HS3ST2: variants seen among roughly 807,000 people sequenced by gnomAD.
HS3ST2 encodes heparan sulfate-glucosamine 3-sulfotransferase 2.
HS3ST2 carries 17 observed loss-of-function variants against 26.3 expected under a neutral mutation model. That is an observed-to-expected ratio of 0.65 (90% confidence interval 0.44 to 0.97). The LOEUF (loss-of-function observed/expected upper bound fraction) is 0.97. Ranked by LOEUF, HS3ST2 falls within the 50% of genes least tolerant of loss-of-function variation. The pLI, the probability that HS3ST2 is intolerant of heterozygous loss-of-function variation, is 0.00. For synonymous variants in HS3ST2, 237 were observed against 219.2 expected (o/e 1.08, Z -0.72); for missense variants, 402 against 501.2 (o/e 0.80, Z 1.89).
At chr16:22,858,385 A>T in intron 1 of HS3ST2, among the ~76,000 whole-genome samples, 1 of 151,498 alleles carries the variant, frequency 6.6e-6, no homozygotes, top group Admixed American at 6.6e-5. Context: ...ATCAAAAAAG[A>T]TGTACAAGCA....
Position 22,839,507 on chromosome 16 carries a change from C to T in HS3ST2, c.485+24412C>T, listed in dbSNP as rs948808479. On this transcript the variant is annotated intron_variant, in intron 1 of 1. Coordinates refer to ENST00000261374, the MANE Select transcript of HS3ST2 (RefSeq NM_006043.2). ...CAGCATTTCACAACGTTTTTTTCTT[C>T]TTGACTCAAAAGCTGCTGCACAGGT... Among the ~76,000 whole-genome samples, 70 of 152,102 alleles carry T rather than the reference C, an allele frequency of 4.6e-4. 1 individual carries two copies. Among genetic ancestry groups the T allele is most frequent in the Admixed American group, 4.5e-3 (69 of 15,266 alleles).
intron 1 of HS3ST2, among the ~76,000 whole-genome samples, chr16:22,902,479 G>A (rs1254091987): frequency 2.6e-5 from 4 of 152,218 alleles, no homozygotes; most frequent in Non-Finnish European, 4.4e-5. Flanking sequence ...GTGTCCTTGG[G>A]AGATGCCTCC....
intron 1 of HS3ST2, among the ~76,000 whole-genome samples, chr16:22,851,871 A>G (rs1353500119): frequency 2.6e-5 from 4 of 152,292 alleles, no homozygotes; most frequent in African/African-American, 9.6e-5. Flanking sequence ...CTGATGTAAC[A>G]TGACCAGACA....
intron 1 of HS3ST2, among the ~76,000 whole-genome samples, chr16:22,835,279 T>G (rs1294098090): frequency 6.7e-6 from 1 of 149,104 alleles, no homozygotes; most frequent in African/African-American, 2.5e-5. Context: ...AGAAGTTATA[T>G]AGGCTATTTC....
intron 1 of HS3ST2, among the ~76,000 whole-genome samples, chr16:22,886,487 G>A (rs1178127125): frequency 6.6e-6 from 1 of 152,194 alleles, no homozygotes; most frequent in Non-Finnish European, 1.5e-5. Context: ...TGTAAGCCCA[G>A]CTATAGGGGA....
At chr16:22,914,681 G>T (rs1056044886) in intron 1 of HS3ST2, among the ~76,000 whole-genome samples, 11 of 132,874 alleles carry the variant, frequency 8.3e-5, no homozygotes, top group Non-Finnish European at 1.7e-4. Flanking sequence ...AAGCTGCAGT[G>T]AGCTGTGATT....
Position 22,815,101 on chromosome 16 carries a change from G to A in HS3ST2, c.485+6G>A, listed in dbSNP as rs1308736671. The A allele has an allele frequency of 6.2e-7, 1 of 1,612,082 alleles. No homozygotes were observed. Among genetic ancestry groups the A allele is most frequent in the Non-Finnish European group, 8.5e-7 (1 of 1,179,756 alleles). ...CGCGGGCTGGATTGGTACAGGTAAG[G>A]ACCAGGAGCTCCGCTCCGTGCGCCG... On this transcript the variant is annotated splice_donor_region_variant and intron_variant, in intron 1 of 1. Transcript: ENST00000261374.
At chr16:22,825,505 G>A (rs1465256819) in intron 1 of HS3ST2, among the ~76,000 whole-genome samples, 2 of 152,202 alleles carry the variant, frequency 1.3e-5, no homozygotes, top group Admixed American at 1.3e-4. Flanking sequence ...GAGATACAAG[G>A]AGAGCTATAG....
chr16:22,839,208 T>C (rs1901317213), intron 1 of HS3ST2, among the ~76,000 whole-genome samples: 1 of 152,178 alleles, frequency 6.6e-6, no homozygotes. Context: ...ATTTGTCGAA[T>C]GAATGAATGA....
intron 1 of HS3ST2, among the ~76,000 whole-genome samples, chr16:22,850,175 A>G (rs1901498278): frequency 6.6e-6 from 1 of 152,078 alleles, no homozygotes. Context: ...CTTAATGGAA[A>G]CCCCTTTCCA....
chr16:22,889,979 A>C, intron 1 of HS3ST2, among the ~76,000 whole-genome samples: 1 of 152,220 alleles, frequency 6.6e-6, no homozygotes, highest in East Asian at 1.9e-4. Context: ...CTTAGGATTG[A>C]CTTCAAGATA....
chr16:22,849,709 G>A (rs1446490806), intron 1 of HS3ST2, among the ~76,000 whole-genome samples: 1 of 152,190 alleles, frequency 6.6e-6, no homozygotes, highest in Non-Finnish European at 1.5e-5. Flanking sequence ...CCTGGAGGCA[G>A]CTTCAGGCAA....
At chr16:22,914,797 G>A in intron 1 of HS3ST2, 147 bp from the exon 2 acceptor site, 1 of 454,800 alleles carries the variant, frequency 2.2e-6, no homozygotes, top group East Asian at 4.2e-5. Context: ...GATTTAAAGT[G>A]AGTACCTCAC....
intron 1 of HS3ST2, among the ~76,000 whole-genome samples, chr16:22,820,501 A>T (rs181819302): frequency 2.0e-5 from 3 of 152,268 alleles, no homozygotes; most frequent in Non-Finnish European, 4.4e-5. Flanking sequence ...AGGCCTCACA[A>T]TCATGACAGA....
At chr16:22,879,333 C>T (rs1428115510) in intron 1 of HS3ST2, among the ~76,000 whole-genome samples, 1 of 152,186 alleles carries the variant, frequency 6.6e-6, no homozygotes, top group African/African-American at 2.4e-5. Flanking sequence ...CAGCTAAGGC[C>T]CCGCAGGCAG....
chr16:22,893,586 T>A (rs1195434970), intron 1 of HS3ST2, among the ~76,000 whole-genome samples: 1 of 152,000 alleles, frequency 6.6e-6, no homozygotes, highest in Non-Finnish European at 1.5e-5. Flanking sequence ...CGCAATGGTA[T>A]TGATCTTGGT....
At chr16:22,843,559 G>C (rs934486222) in intron 1 of HS3ST2, among the ~76,000 whole-genome samples, 1 of 152,136 alleles carries the variant, frequency 6.6e-6, no homozygotes, top group African/African-American at 2.4e-5. Context: ...TCATGAAGAG[G>C]GATCTTTTAA....
At chr16:22,821,003 G>T (rs1900983345) in intron 1 of HS3ST2, among the ~76,000 whole-genome samples, 1 of 152,084 alleles carries the variant, frequency 6.6e-6, no homozygotes, top group Non-Finnish European at 1.5e-5. Flanking sequence ...AGCCTAACCT[G>T]GACTCTCTGG....
At chr16:22,828,350 T>C (rs1901120493) in intron 1 of HS3ST2, among the ~76,000 whole-genome samples, 1 of 152,198 alleles carries the variant, frequency 6.6e-6, no homozygotes, top group Non-Finnish European at 1.5e-5. Flanking sequence ...GCCACCCTGC[T>C]GCTCATTCTT....
Sources: allele counts gnomAD v4.1 joint callset (sites outside exome capture counted in the v4.1 genomes callset), GRCh38; gene constraint gnomAD v4.1.1; transcripts MANE v1.5; gene names NCBI Gene and HGNC (gene_info 2026-07-23, HGNC 2026-07-21).